TOMT: variants seen among roughly 807,000 people sequenced by gnomAD.
TOMT encodes the protein transmembrane O-methyltransferase.
TOMT carries 23 observed loss-of-function variants against 21.7 expected under a neutral mutation model. The ratio of observed to expected loss-of-function variants is 1.06; its 90% confidence interval spans 0.76 to 1.50. The LOEUF (loss-of-function observed/expected upper bound fraction) is 1.50. Among genes scored for constraint, TOMT ranks in the 40% most tolerant of loss-of-function variants. The pLI, the probability that TOMT is intolerant of heterozygous loss-of-function variation, is 0.00. For missense variants in TOMT, 331 were observed against 348.7 expected (o/e 0.95, Z 0.41); for synonymous variants, 132 against 150.8 (o/e 0.88, Z 0.91).
chr11:72,108,472 G>A (rs1945954510), intron 2 of TOMT, 133 bp from the exon 3 acceptor site: 1 of 740,650 alleles, frequency 1.4e-6, no homozygotes, highest in African/African-American at 1.8e-5. Context: ...AGGTTCTGAG[G>A]TCAGAGGAAA....
exon 1 of TOMT, chr11:72,106,044 C>A: frequency 6.4e-7 from 1 of 1,551,110 alleles, no homozygotes; most frequent in Non-Finnish European, 8.7e-7. Context: ...TGCGCACGGT[C>A]TTGCTGCGAA....
intron 1 of TOMT, chr11:72,107,635 GGTCCTGAAT>G: frequency 1.6e-6 from 1 of 631,246 alleles, no homozygotes; most frequent in Non-Finnish European, 2.9e-6. Flanking sequence ...TCAGGTCCAA[GGTCCTGAAT>G]GCCAGGCTGA....
chr11:72,106,530 C>G (rs1945705942), intron 1 of TOMT: 1 of 227,798 alleles, frequency 4.4e-6, no homozygotes, highest in African/African-American at 2.3e-5. Flanking sequence ...TAACCCATAG[C>G]TTTGTAATTA....
chr11:72,108,836 T>C (rs892451020), exon 3 of TOMT: 2 of 1,550,594 alleles, frequency 1.3e-6, no homozygotes. Flanking sequence ...CTGTGGCCGC[T>C]ACCGCTGCCG....
chr11:72,109,369 G>C (rs1212541397), downstream of TOMT: 4 of 463,086 alleles, frequency 8.6e-6, no homozygotes, highest in African/African-American at 2.0e-5. Flanking sequence ...AAGTGGCAAT[G>C]AGTTAGACGC....
chr11:72,108,658 G>T, exon 3 of TOMT: 1 of 1,523,334 alleles, frequency 6.6e-7, no homozygotes, highest in East Asian at 2.5e-5. Flanking sequence ...TACGCACCCA[G>T]TATCAGCTGA....
Position 72,107,713 on chromosome 11 carries a change from C to T in TOMT, c.260-210C>T, listed in dbSNP as rs1945825566. The T allele has an allele frequency of 1.9e-5, 12 of 621,584 alleles. No individual in the cohort carries two copies. In the Admixed American group the frequency reaches 3.1e-4, roughly 16 times the overall value. 38.5% of individuals were successfully genotyped at this position (621,584 alleles called of 1,614,324 possible). A position where few individuals can be genotyped will look rare whatever the true frequency, so the allele number is the denominator to read the frequency against. On this transcript the variant is annotated intron_variant, in intron 1 of 2. Transcript: ENST00000541899. Reference sequence around the variant, plus strand: ...CACAGGAGCCAAGGAGTAATAAGGTCAGATTTGTTGGAAAGATTCCAGGGC... The same window carrying T: ...CACAGGAGCCAAGGAGTAATAAGGTTAGATTTGTTGGAAAGATTCCAGGGC...
chr11:72,107,852 T>G, intron 1 of TOMT, 71 bp from the exon 2 acceptor site: 5 of 1,504,334 alleles, frequency 3.3e-6, no homozygotes, highest in Non-Finnish European at 4.5e-6. Context: ...AGGTAGGCAT[T>G]TGAGATATCT....
intron 1 of TOMT, 121 bp downstream of exon 1, chr11:72,106,331 T>C: frequency 1.9e-6 from 2 of 1,058,556 alleles, no homozygotes; most frequent in East Asian, 2.9e-5. Flanking sequence ...TTAGGGCCTC[T>C]TTTTTTTCTC....
At chr11:72,107,063 C>A (rs1024145662) in intron 1 of TOMT, 3 of 208,026 alleles carry the variant, frequency 1.4e-5, no homozygotes, top group African/African-American at 7.0e-5. Context: ...CCCAGGAGTT[C>A]GAGACTAGCC....
rs553961145 is a variant in TOMT at position 72,106,081 on chromosome 11, C to T, written c.130C>T (p.Arg44Trp). 7 of 1,550,086 alleles carry T rather than the reference C, an allele frequency of 4.5e-6. No homozygotes were observed. The Admixed American group carries it at 5.9e-5, about 13-fold the overall frequency. Residue 44 changes from arginine to tryptophan, a missense_variant, in exon 1 of 3, where the codon CGG (arginine) becomes TGG (tryptophan). Arg to Trp is a moderately radical substitution (Grantham distance 101). Coordinates refer to ENST00000541899, the Ensembl canonical transcript of TOMT. ...CCTCCGAGACTGCCTGTCAGGGCTG[C>T]GGATCGAGGAGCGGGCCTTCAGCTA...
exon 3 of TOMT, chr11:72,109,129 C>T: frequency 1.7e-6 from 1 of 579,988 alleles, no homozygotes; most frequent in Non-Finnish European, 3.1e-6. Flanking sequence ...CTCACTAGGC[C>T]CCCTCTTTCC....
intron 2 of TOMT, among the ~76,000 whole-genome samples, chr11:72,108,346 A>G (rs1945935067): frequency 6.6e-6 from 1 of 152,168 alleles, no homozygotes; most frequent in Admixed American, 6.5e-5. Context: ...AACCCAGCAA[A>G]TTTGGGTCCA....
At chr11:72,106,000 C>A (rs766221873) in exon 1 of TOMT, 1 of 1,550,920 alleles carries the variant, frequency 6.4e-7, no homozygotes, top group South Asian at 1.2e-5. Context: ...GGTAACATTG[C>A]TGGTGCGGTA....
At chr11:72,105,989 T>C in exon 1 of TOMT, 1 of 1,550,478 alleles carries the variant, frequency 6.4e-7, no homozygotes. Context: ...CTGCCACTGG[T>C]GGTAACATTG....
At chr11:72,108,783 T>C in exon 3 of TOMT, 3 of 1,550,536 alleles carry the variant, frequency 1.9e-6, no homozygotes, top group Non-Finnish European at 2.6e-6. Context: ...GCTGACCATG[T>C]GCTCTTCCCT....
At chr11:72,106,259 A>C (rs2135187881) in intron 1 of TOMT, 49 bp downstream of exon 1, 1 of 1,402,034 alleles carries the variant, frequency 7.1e-7, no homozygotes, top group East Asian at 2.6e-5. Flanking sequence ...CAAGACAGTG[A>C]AGGAATATTT....
intron 2 of TOMT, 107 bp from the exon 3 acceptor site, chr11:72,108,498 G>A: frequency 1.0e-6 from 1 of 959,312 alleles, no homozygotes; most frequent in Non-Finnish European, 1.5e-6. Context: ...GAACACTCAT[G>A]GGAAGCTAAG....
intron 1 of TOMT, chr11:72,107,096 G>A (rs557941174): frequency 1.7e-4 from 48 of 278,262 alleles, no homozygotes; most frequent in African/African-American, 7.8e-4. Context: ...CAAGACCCCC[G>A]TTTCTACAAA....
Sources: allele counts gnomAD v4.1 joint callset (sites outside exome capture counted in the v4.1 genomes callset), GRCh38; gene constraint gnomAD v4.1.1; transcripts MANE v1.5; gene names NCBI Gene and HGNC (gene_info 2026-07-23, HGNC 2026-07-21).